The following ADCY5 variants were observed in gnomAD, a reference collection of about 807,000 sequenced individuals.
ADCY5 encodes adenylate cyclase type 5.
A neutral mutation model predicts 119.7 loss-of-function variants in ADCY5; 30 were observed. The observed-to-expected ratio is 0.25, with a 90% CI of 0.19 to 0.34. ADCY5 has a LOEUF of 0.34. Ranked by LOEUF, ADCY5 falls within the 10% of genes least tolerant of loss-of-function variation. The pLI is 1.00. For missense variants in ADCY5, 1,324 were observed against 1,775.2 expected (o/e 0.75, Z 4.57); for synonymous variants, 753 against 762.2 (o/e 0.99, Z 0.20).
chr3:123,377,151 T>C (rs1196929946), intron 1 of ADCY5, among the ~76,000 whole-genome samples: 2 of 152,156 alleles, frequency 1.3e-5, no homozygotes, highest in African/African-American at 2.4e-5. Flanking sequence ...AAAACACACA[T>C]CGGATCATGT....
intron 1 of ADCY5, among the ~76,000 whole-genome samples, chr3:123,356,029 C>T (rs1943025672): frequency 1.3e-5 from 2 of 152,028 alleles, no homozygotes; most frequent in Non-Finnish European, 1.5e-5. Context: ...GACAAGGGTA[C>T]CAAGACAATT....
intron 1 of ADCY5, among the ~76,000 whole-genome samples, chr3:123,369,239 T>C (rs1397074992): frequency 1.3e-5 from 2 of 152,228 alleles, no homozygotes; most frequent in African/African-American, 4.8e-5. Flanking sequence ...CACATCATGA[T>C]GAACAAGAAG....
At chr3:123,323,226 C>A (rs181400828) in intron 8 of ADCY5, among the ~76,000 whole-genome samples, 1 of 151,906 alleles carries the variant, frequency 6.6e-6, no homozygotes, top group Non-Finnish European at 1.5e-5. Context: ...AAGCGATGAA[C>A]GCTGTGGAGG....
intron 1 of ADCY5, among the ~76,000 whole-genome samples, chr3:123,424,586 G>T (rs940175154): frequency 6.6e-6 from 1 of 152,192 alleles, no homozygotes; most frequent in African/African-American, 2.4e-5. Flanking sequence ...GCGAGGCCTT[G>T]GTGGCTGGGG....
intron 1 of ADCY5, among the ~76,000 whole-genome samples, chr3:123,409,757 C>G (rs1944995628): frequency 6.6e-6 from 1 of 152,180 alleles, no homozygotes; most frequent in African/African-American, 2.4e-5. Context: ...TGCACCTCAC[C>G]TGCTTCCTTA....
intron 1 of ADCY5, among the ~76,000 whole-genome samples, chr3:123,388,065 AG>A (rs1318623229): frequency 6.6e-6 from 1 of 152,232 alleles, no homozygotes; most frequent in Non-Finnish European, 1.5e-5. Context: ...ACAGCTGTTC[AG>A]GGGTGTAGGG....
At chr3:123,363,786 G>GT (rs1943339051) in intron 1 of ADCY5, among the ~76,000 whole-genome samples, 1 of 152,162 alleles carries the variant, frequency 6.6e-6, no homozygotes, top group African/African-American at 2.4e-5. Flanking sequence ...GCATGCACCT[G>GT]TAGTCCCAGC....
chr3:123,333,959 C>T (rs1941902725), intron 3 of ADCY5, among the ~76,000 whole-genome samples: 1 of 152,182 alleles, frequency 6.6e-6, no homozygotes, highest in African/African-American at 2.4e-5. Context: ...CCCCCAATTC[C>T]TCCTTCCCAG....
chr3:123,412,317 T>C (rs1287230236), intron 1 of ADCY5, among the ~76,000 whole-genome samples: 1 of 151,918 alleles, frequency 6.6e-6, no homozygotes, highest in Non-Finnish European at 1.5e-5. Context: ...CAGGGTGTGG[T>C]GGGAGAAGTA....
intron 1 of ADCY5, among the ~76,000 whole-genome samples, chr3:123,356,466 A>G (rs968852089): frequency 3.9e-4 from 60 of 152,206 alleles, no homozygotes; most frequent in African/African-American, 1.4e-3. Context: ...AAATCGTGAT[A>G]GATCTTCACT....
At chr3:123,318,541 C>T (rs1941046256) in intron 10 of ADCY5, among the ~76,000 whole-genome samples, 1 of 152,182 alleles carries the variant, frequency 6.6e-6, no homozygotes, top group Non-Finnish European at 1.5e-5. Flanking sequence ...AGAGAGCTCA[C>T]ATGACTTGTC....
At position 123,300,942 on chromosome 3, in the gene ADCY5, G is replaced by C. The variant is rs538124621; in HGVS notation, c.2725-647C>G. Among the ~76,000 whole-genome samples the C allele has an allele frequency of 3.3e-5, 5 of 152,264 alleles. No homozygotes were observed. In the East Asian group the frequency reaches 9.7e-4, roughly 29 times the overall value. On this transcript the variant is annotated intron_variant, in intron 14 of 20. Coordinates refer to ENST00000462833, the MANE Select transcript of ADCY5 (RefSeq NM_183357.3). ...GATCAGACTCCACTGGGGGTGGGAG[G>C]CAACCTTTTAAAATCTGAAAAATTC...
chr3:123,413,068 G>C (rs997429406), intron 1 of ADCY5, among the ~76,000 whole-genome samples: 2 of 152,162 alleles, frequency 1.3e-5, no homozygotes, highest in Non-Finnish European at 2.9e-5. Context: ...GCTTCATGAC[G>C]CCGGCTCCTC....
intron 9 of ADCY5, among the ~76,000 whole-genome samples, chr3:123,320,019 G>C (rs1941137287): frequency 6.6e-6 from 1 of 152,216 alleles, no homozygotes; most frequent in East Asian, 1.9e-4. Flanking sequence ...ACAGACAACT[G>C]ACCAAGTCTC....
At chr3:123,322,145 C>T (rs775907349) in intron 8 of ADCY5, among the ~76,000 whole-genome samples, 4 of 152,290 alleles carry the variant, frequency 2.6e-5, no homozygotes, top group East Asian at 1.9e-4. Flanking sequence ...GGAGCACAGG[C>T]GTGGCGGGCA....
chr3:123,351,643 C>T (rs1942841356), intron 2 of ADCY5, among the ~76,000 whole-genome samples: 1 of 152,164 alleles, frequency 6.6e-6, no homozygotes, highest in South Asian at 2.1e-4. Context: ...CCCAGGCCTC[C>T]CATGTGTGAG....
chr3:123,371,180 T>C (rs1943628577), intron 1 of ADCY5, among the ~76,000 whole-genome samples: 1 of 152,216 alleles, frequency 6.6e-6, no homozygotes, highest in Non-Finnish European at 1.5e-5. Flanking sequence ...ACGTGGGATC[T>C]GGTTAGGACC....
At chr3:123,345,836 T>C (rs1942525540) in intron 3 of ADCY5, among the ~76,000 whole-genome samples, 1 of 149,152 alleles carries the variant, frequency 6.7e-6, no homozygotes, top group South Asian at 2.1e-4. Context: ...CTGAGTCTCC[T>C]GTTAGCCTGA....
rs1032028263 is a variant in ADCY5 at position 123,286,176 on chromosome 3, C to G, written c.3657+509G>C. Among the ~76,000 whole-genome samples, 1 of 152,158 alleles carries G rather than the reference C, an allele frequency of 6.6e-6. No individual in the cohort carries two copies. The highest frequency in any genetic ancestry group is 1.5e-5 in the Non-Finnish European group (1 of 68,026). On this transcript the variant is annotated intron_variant, in intron 20 of 20. Coordinates refer to ENST00000462833, the MANE Select transcript of ADCY5 (RefSeq NM_183357.3). The surrounding 1 kb of genome is among the most constrained non-coding windows in gnomAD (Gnocchi z 4.2). The stretch of plus-strand genomic sequence containing the variant: ...AGGCCGGGAAACCACAAGCCCAGCT[C>G]GCAAAGGAGGGAGCAAGGGGAAAAG...
Sources: allele counts gnomAD v4.1 joint callset (sites outside exome capture counted in the v4.1 genomes callset), GRCh38; gene constraint gnomAD v4.1.1; non-coding constraint Gnocchi (gnomAD v3.1); transcripts MANE v1.5; gene names NCBI Gene and HGNC (gene_info 2026-07-23, HGNC 2026-07-21).